ELFN1: variants seen among roughly 807,000 people sequenced by gnomAD.
ELFN1 encodes protein ELFN1.
Under a neutral mutation model 7.6 loss-of-function variants are expected in ELFN1, and 6 were observed. The ratio of observed to expected loss-of-function variants is 0.79; its 90% CI spans 0.43 to 1.56. ELFN1 has a LOEUF of 1.56. Ranked by LOEUF, ELFN1 falls within the 40% of genes most tolerant of loss-of-function variation. ELFN1 has a pLI of 0.01. For missense variants in ELFN1, 1,169 were observed against 1,232.2 expected (o/e 0.95, Z 0.77); for synonymous variants, 657 against 588.1 (o/e 1.12, Z -1.70).
chr7:1,732,189 G>A (rs1780339421), intron 3 of ELFN1, among the ~76,000 whole-genome samples: 1 of 152,166 alleles, frequency 6.6e-6, no homozygotes, highest in Non-Finnish European at 1.5e-5. Context: ...GCCCCAATCT[G>A]GGGGCTGAAC....
In ELFN1 at chr7:1,743,140, C is replaced by T. The variant is rs528300042; in HGVS notation, c.-293-1164C>T. ...CCAGCGGGATGCCTCGCTCCCCGGACGTACCTCCAGCCCCGTCTGCAGGGT... is the reference window on the plus strand; with the variant it reads ...CCAGCGGGATGCCTCGCTCCCCGGATGTACCTCCAGCCCCGTCTGCAGGGT... On this transcript the variant is annotated intron_variant, in intron 3 of 3. Coordinates refer to ENST00000424383, the MANE Select transcript of ELFN1 (RefSeq NM_001128636.4). 1.5e-4 allele frequency among the ~76,000 whole-genome samples: 23 copies of T among 152,294 alleles called. No homozygotes were observed. The South Asian group carries it at 4.1e-3, about 27-fold the overall frequency.
At chr7:1,694,615 C>A (rs1037552594) in intron 2 of ELFN1, among the ~76,000 whole-genome samples, 1 of 152,230 alleles carries the variant, frequency 6.6e-6, no homozygotes, top group African/African-American at 2.4e-5. Flanking sequence ...AGACAGGAAA[C>A]CATCTCCTTG....
intron 3 of ELFN1, among the ~76,000 whole-genome samples, chr7:1,713,753 G>A (rs193260826): frequency 3.3e-5 from 5 of 152,110 alleles, no homozygotes; most frequent in African/African-American, 7.2e-5. Context: ...CTCTGGGGAG[G>A]GGGGGGCGAT....
chr7:1,696,865 C>G (rs1779326106), intron 2 of ELFN1, among the ~76,000 whole-genome samples: 1 of 152,216 alleles, frequency 6.6e-6, no homozygotes, highest in Admixed American at 6.5e-5. Context: ...CGGCACTGCC[C>G]TTAAGGAGCT....
chr7:1,681,406 AG>A (rs1323542878), intron 1 of ELFN1, among the ~76,000 whole-genome samples: 2 of 152,146 alleles, frequency 1.3e-5, no homozygotes, highest in Non-Finnish European at 2.9e-5. Flanking sequence ...TCTGTCACCC[AG>A]GCTGGAGTGC....
At chr7:1,696,175 A>AGAGTGTGTGTGT (rs1554248862) in intron 2 of ELFN1, among the ~76,000 whole-genome samples, 1 of 147,990 alleles carries the variant, frequency 6.8e-6, no homozygotes, top group African/African-American at 2.5e-5. Context: ...AGAGAGAGAG[A>AGAGTGTGTGTGT]GTGTGTGTGT....
At chr7:1,696,172 G>A (rs1779303552) in intron 2 of ELFN1, among the ~76,000 whole-genome samples, 1 of 151,560 alleles carries the variant, frequency 6.6e-6, no homozygotes, top group Non-Finnish European at 1.5e-5. Flanking sequence ...GAGAGAGAGA[G>A]AGAGTGTGTG....
At chr7:1,676,459 C>T (rs548345031) in intron 1 of ELFN1, among the ~76,000 whole-genome samples, 2 of 152,360 alleles carry the variant, frequency 1.3e-5, no homozygotes, top group Admixed American at 6.5e-5. Flanking sequence ...GAGCCTCGGC[C>T]TCTCCTCCGT....
chr7:1,676,040 G>A (rs1778863707), intron 1 of ELFN1, among the ~76,000 whole-genome samples: 1 of 152,246 alleles, frequency 6.6e-6, no homozygotes, highest in South Asian at 2.1e-4. Flanking sequence ...GAGGGAGGCT[G>A]CCTGGGAGGG....
chr7:1,699,096 T>C lies in ELFN1; in HGVS notation c.-455-9995T>C, dbSNP rs148514152. ...ACATTGCACCTGCGAAATTCATTCA[T>C]CCTTGTTAGATGTGATGGCGGTTCC... On this transcript the variant is annotated intron_variant, in intron 2 of 3. Coordinates refer to ENST00000424383, the MANE Select transcript of ELFN1 (RefSeq NM_001128636.4). Among the ~76,000 whole-genome samples, 683 of 152,330 alleles carry C rather than the reference T, an allele frequency of 4.5e-3. 5 individuals are homozygous for C. Among genetic ancestry groups the C allele is most frequent in the Middle Eastern group, 0.014 (4 of 294 alleles).
rs1780541520 is a variant in ELFN1, at chr7:1,739,299, G to A, written c.-293-5005G>A. 6.6e-6 allele frequency: 1 copy of A among 152,388 alleles called. No individual in the cohort carries two copies. Among genetic ancestry groups the A allele is most frequent in the African/African-American group, 2.4e-5 (1 of 41,436 alleles). 9.4% of individuals were successfully genotyped at this position (152,388 alleles called of 1,614,324 possible). ...GGGTTTGGGCGGTCGTGGTGGGAGT[G>A]GAGTGATTCCAGATGCTTCTGCAGG... On this transcript the variant is annotated intron_variant, in intron 3 of 3. Coordinates refer to ENST00000424383, the MANE Select transcript of ELFN1 (RefSeq NM_001128636.4). The surrounding 1 kb of genome is among the most constrained non-coding windows in gnomAD (Gnocchi z 4.6).
Position 1,701,103 on chromosome 7 carries a change from G to A in ELFN1, c.-455-7988G>A, listed in dbSNP as rs149557022. Reference sequence around the variant, plus strand: ...CGTGTGTGTGTGCGCGTGTGTGTGCGCATATGTGTGCGTATGTGAGCCTGT... The same window carrying A: ...CGTGTGTGTGTGCGCGTGTGTGTGCACATATGTGTGCGTATGTGAGCCTGT... On this transcript the variant is annotated intron_variant, in intron 2 of 3. Coordinates refer to ENST00000424383, the MANE Select transcript of ELFN1 (RefSeq NM_001128636.4). 4.6e-5 allele frequency among the ~76,000 whole-genome samples: 7 copies of A among 151,822 alleles called. 1 individual carries two copies. The highest frequency in any genetic ancestry group is 1.9e-4 in the East Asian group (1 of 5,152).
Position 1,747,162 on chromosome 7 carries a change from A to C in ELFN1, c.*79A>C. ...AGAGACTCAGCACCAAACCCAACACACGCACGCCACCACAGCAACTGTGAC... is the reference window on the plus strand; with the variant it reads ...AGAGACTCAGCACCAAACCCAACACCCGCACGCCACCACAGCAACTGTGAC... On this transcript the variant is annotated 3_prime_UTR_variant, in exon 4 of 4. Transcript: ENST00000424383. The C allele has an allele frequency of 1.9e-5, 25 of 1,324,796 alleles. No individual in the cohort carries two copies. Among genetic ancestry groups the C allele is most frequent in the Non-Finnish European group, 2.3e-5 (23 of 1,010,370 alleles). 82.1% of individuals were successfully genotyped at this position (1,324,796 alleles called of 1,614,324 possible). A position where few individuals can be genotyped will look rare whatever the true frequency, so the allele number is the denominator to read the frequency against.
At chr7:1,725,992 A>G (rs1411813034) in intron 3 of ELFN1, among the ~76,000 whole-genome samples, 1 of 152,064 alleles carries the variant, frequency 6.6e-6, no homozygotes, top group Non-Finnish European at 1.5e-5. Context: ...CACATAGTAC[A>G]GTCTTACCCC....
At chr7:1,703,722 A>G (rs567888261) in intron 2 of ELFN1, among the ~76,000 whole-genome samples, 2 of 152,252 alleles carry the variant, frequency 1.3e-5, no homozygotes, top group African/African-American at 2.4e-5. Flanking sequence ...GTGGAGCCCT[A>G]ATTACCACGG....
chr7:1,746,617 C>T lies in ELFN1; in HGVS notation c.2021C>T (p.Ser674Phe). The T allele has an allele frequency of 4.4e-6, 6 of 1,348,940 alleles. No homozygotes were observed. The South Asian group carries it at 1.0e-4, about 23-fold the overall frequency. 83.6% of individuals were successfully genotyped at this position (1,348,940 alleles called of 1,614,324 possible). A position where few individuals can be genotyped will look rare whatever the true frequency, so the allele number is the denominator to read the frequency against. ...GAGGCCAAGTACATCGAGAAGGGCT[C>T]CCCCGCGGCCGACGCCATCCTCACT... ...AAEAKYIEKG[S>F]PAADAILTVT... Residue 674 changes from serine (S) to phenylalanine (F), a missense_variant, in exon 4 of 4, where the codon TCC becomes TTC. Ser to Phe is a radical substitution (Grantham distance 155). This residue lies in a region of ELFN1 where 914 missense variants were observed against 872.6 expected (regional missense o/e 1.05). Transcript: ENST00000424383.
chr7:1,723,275 T>C (rs967968914), intron 3 of ELFN1, among the ~76,000 whole-genome samples: 3 of 152,244 alleles, frequency 2.0e-5, no homozygotes, highest in Non-Finnish European at 4.4e-5. Context: ...TCAGTGGTGT[T>C]CAGTGGATTT....
At chr7:1,674,760 C>T (rs1778834520) in intron 1 of ELFN1, among the ~76,000 whole-genome samples, 1 of 152,130 alleles carries the variant, frequency 6.6e-6, no homozygotes, top group Non-Finnish European at 1.5e-5. Context: ...GTGCCCAGTG[C>T]CCCCACATGA....
rs113721600 is a variant in ELFN1, at chr7:1,695,117, C to T, written c.-456+6967C>T. On this transcript the variant is annotated intron_variant, in intron 2 of 3. Transcript: ENST00000424383. This position sits in a 1 kb window ranked among gnomAD's most constrained non-coding sequence, Gnocchi z 5.1. ...GGCTGTGCCAGGCAGCAGACGTGGC[C>T]GACAGGCACATGGTGGGACCTGCTC... is the stretch of plus-strand genomic sequence containing the variant. 1.3e-5 allele frequency among the ~76,000 whole-genome samples: 2 copies of T among 152,220 alleles called. No homozygotes were observed. The highest frequency in any genetic ancestry group is 1.9e-4 in the East Asian group (1 of 5,196).
Sources: gnomAD v4.1 joint callset for allele counts (sites outside exome capture counted in the v4.1 genomes callset) on GRCh38, gnomAD v4.1.1 for gene constraint, gnomAD v4.1.1 regional missense constraint, Gnocchi (gnomAD v3.1) non-coding constraint, MANE v1.5 for transcripts, NCBI Gene and HGNC (gene_info 2026-07-23, HGNC 2026-07-21) for gene names.